The following RBFOX1 variants were observed in gnomAD, a reference collection of about 807,000 sequenced individuals.
RBFOX1 encodes the protein RNA binding fox-1 homolog 1.
Under a neutral mutation model 57.7 loss-of-function variants are expected in RBFOX1, and 8 were observed. That is an observed-to-expected ratio of 0.14 (90% CI 0.08 to 0.25). The LOEUF (loss-of-function observed/expected upper bound fraction) is 0.25, where lower values mean the gene tolerates loss of function less well. RBFOX1 is among the 10% of genes least tolerant of loss of function. RBFOX1 has a pLI of 1.00. For missense variants in RBFOX1, 611 were observed against 548.5 expected (o/e 1.11, Z -1.14); for synonymous variants, 326 against 222.4 (o/e 1.47, Z -4.15).
chr16:5,491,225 G>A (rs750870167), intron 2 of RBFOX1, among the ~76,000 whole-genome samples: 6 of 152,096 alleles, frequency 3.9e-5, no homozygotes, highest in Non-Finnish European at 8.8e-5. Context: ...GTCACAGTGT[G>A]AACACATCTA....
intron 1 of RBFOX1, chr16:6,092,824 T>C (rs1376918977): frequency 6.6e-6 from 1 of 152,196 alleles, no homozygotes; most frequent in Non-Finnish European, 1.5e-5. Flanking sequence ...GTTGGGTAAC[T>C]TGATGGTTAG....
At chr16:6,676,673 CTTTTT>C (rs756578276) in intron 3 of RBFOX1, among the ~76,000 whole-genome samples, 2 of 103,550 alleles carry the variant, frequency 1.9e-5, no homozygotes, top group Admixed American at 1.2e-4. Flanking sequence ...TTTTTCTTTT[CTTTTT>C]TTTTTTTTTT....
At chr16:6,592,360 G>A (rs1283491611) in intron 2 of RBFOX1, among the ~76,000 whole-genome samples, 2 of 152,176 alleles carry the variant, frequency 1.3e-5, no homozygotes, top group Non-Finnish European at 1.5e-5. Context: ...TATCCACAAA[G>A]GGTCTTTGGA....
intron 2 of RBFOX1, among the ~76,000 whole-genome samples, chr16:5,535,367 C>T (rs1284397858): frequency 9.2e-5 from 14 of 152,116 alleles, no homozygotes. Context: ...CAATTGTAAG[C>T]CTGTGAAACT....
At chr16:7,699,946 C>G (rs1010859446) in intron 14 of RBFOX1, among the ~76,000 whole-genome samples, 1 of 152,100 alleles carries the variant, frequency 6.6e-6, no homozygotes, top group Non-Finnish European at 1.5e-5. Flanking sequence ...GACAGATAAT[C>G]TGGACATTGT....
At chr16:6,460,291 T>G (rs904839490) in intron 2 of RBFOX1, among the ~76,000 whole-genome samples, 1 of 152,062 alleles carries the variant, frequency 6.6e-6, no homozygotes, top group Admixed American at 6.6e-5. Context: ...TCTCTTCTTA[T>G]AAGAACACTG....
rs549025984 is a variant in RBFOX1 at position 7,185,988 on chromosome 16, G to A, written c.27+133890G>A. ...TCAGCCATTAGTTCCTATGTTTATT[G>A]GCGCACTTTAGTATAGATCAAAGGC... On this transcript the variant is annotated intron_variant, in intron 4 of 15. Coordinates refer to ENST00000550418, the MANE Select transcript of RBFOX1 (RefSeq NM_018723.4). Among the ~76,000 whole-genome samples the A allele has an allele frequency of 1.2e-3, 185 of 152,126 alleles. 1 individual carries two copies. Among genetic ancestry groups the A allele is most frequent in the African/African-American group, 4.4e-3 (183 of 41,518 alleles).
chr16:5,351,022 C>A (rs1431150807), intron 1 of RBFOX1, among the ~76,000 whole-genome samples: 1 of 152,066 alleles, frequency 6.6e-6, no homozygotes, highest in Admixed American at 6.6e-5. Flanking sequence ...AATCGTTCAC[C>A]CACCCACGAA....
At chr16:7,475,824 T>G (rs1033704759) in intron 4 of RBFOX1, among the ~76,000 whole-genome samples, 1 of 152,218 alleles carries the variant, frequency 6.6e-6, no homozygotes, top group Non-Finnish European at 1.5e-5. Flanking sequence ...TTTGAATATA[T>G]GTTGGTAACA....
chr16:7,335,737 C>A (rs1053992513), intron 4 of RBFOX1, among the ~76,000 whole-genome samples: 22 of 152,104 alleles, frequency 1.4e-4, no homozygotes, highest in Admixed American at 3.3e-4. Flanking sequence ...TCTTTTATTC[C>A]AAGCAATAAT....
chr16:6,723,400 A>T (rs1428526552), intron 3 of RBFOX1, among the ~76,000 whole-genome samples: 1 of 152,204 alleles, frequency 6.6e-6, no homozygotes, highest in Non-Finnish European at 1.5e-5. Flanking sequence ...AGACTTAAAG[A>T]TACCACTATG....
chr16:7,243,276 G>T (rs565179128), intron 4 of RBFOX1, among the ~76,000 whole-genome samples: 5 of 152,148 alleles, frequency 3.3e-5, no homozygotes, highest in Non-Finnish European at 7.3e-5. Context: ...GCCTATAGGC[G>T]TGGTCAGGGT....
chr16:6,303,723 C>G (rs761998238), intron 1 of RBFOX1, among the ~76,000 whole-genome samples: 30 of 151,606 alleles, frequency 2.0e-4, no homozygotes, highest in Non-Finnish European at 2.5e-4. Context: ...TGCCTGTAAT[C>G]CCAGCACTTT....
chr16:7,629,741 G>T (rs775046837), intron 10 of RBFOX1, among the ~76,000 whole-genome samples: 1 of 152,160 alleles, frequency 6.6e-6, no homozygotes, highest in Non-Finnish European at 1.5e-5. Context: ...ATTATTTGCC[G>T]CTGTAAAATT....
chr16:5,978,213 C>T (rs537278883), intron 4 of RBFOX1, among the ~76,000 whole-genome samples: 1 of 139,660 alleles, frequency 7.2e-6, no homozygotes, highest in East Asian at 2.4e-4. Context: ...ACTCAGGAGG[C>T]TGAGGTGGGA....
At chr16:5,576,459 A>G (rs760490597) in intron 2 of RBFOX1, among the ~76,000 whole-genome samples, 1 of 152,200 alleles carries the variant, frequency 6.6e-6, no homozygotes, top group Non-Finnish European at 1.5e-5. Flanking sequence ...CCACCAACCT[A>G]AGAGTGGAAG....
At chr16:6,997,616 A>G (rs1452067889) in intron 3 of RBFOX1, among the ~76,000 whole-genome samples, 3 of 152,220 alleles carry the variant, frequency 2.0e-5, no homozygotes, top group Admixed American at 6.5e-5. Flanking sequence ...CAAACATACC[A>G]TAATTATTGC....
At position 6,823,036 on chromosome 16, in the gene RBFOX1, A is replaced by G. The variant is rs537554569; in HGVS notation, c.-16+168386A>G. ...ACTGTATGTGCATTATTCTGATGTC[A>G]TGTTTGTTATTGGCATGTGTGTTGA... On this transcript the variant is annotated intron_variant, in intron 3 of 15. Coordinates refer to ENST00000550418, the MANE Select transcript of RBFOX1 (RefSeq NM_018723.4). Among the ~76,000 whole-genome samples, 19 of 152,166 alleles carry G rather than the reference A, an allele frequency of 1.2e-4. 1 individual carries two copies. The South Asian group carries it at 3.9e-3, about 32-fold the overall frequency.
intron 4 of RBFOX1, among the ~76,000 whole-genome samples, chr16:7,257,990 A>G (rs908788452): frequency 6.6e-6 from 1 of 152,180 alleles, no homozygotes; most frequent in African/African-American, 2.4e-5. Flanking sequence ...TTCTGTATCG[A>G]CACAACTCTG....
Sources: allele counts gnomAD v4.1 joint callset (sites outside exome capture counted in the v4.1 genomes callset), GRCh38; gene constraint gnomAD v4.1.1; transcripts MANE v1.5; gene names NCBI Gene and HGNC (gene_info 2026-07-23, HGNC 2026-07-21).